The following UACA variants were observed in gnomAD, a reference collection of about 807,000 sequenced individuals.
The protein encoded by UACA is uveal autoantigen with coiled-coil domains and ankyrin repeats, also known as nuclear membrane binding protein.
A neutral mutation model predicts 160.5 loss-of-function variants in UACA; 112 were observed. The observed-to-expected ratio is 0.70, with a 90% CI of 0.60 to 0.82. UACA has a LOEUF of 0.82. Among genes scored for constraint, UACA ranks in the 40% least tolerant of loss-of-function variants. The probability of loss-of-function intolerance (pLI) is 0.00; values close to 1 mark genes in which losing one functional copy is unlikely to be tolerated. For missense variants in UACA, 1,574 were observed against 1,614.6 expected (o/e 0.97, Z 0.43); for synonymous variants, 557 against 568.4 (o/e 0.98, Z 0.29).
upstream of UACA, among the ~76,000 whole-genome samples, chr15:70,767,248 A>C (rs1268475727): frequency 5.0e-5 from 7 of 138,640 alleles, no homozygotes; most frequent in East Asian, 2.0e-4. Context: ...TCAAAAAAAA[A>C]AAAAAAAACA....
intron 2 of UACA, among the ~76,000 whole-genome samples, 182 bp from the exon 3 acceptor site, chr15:70,695,287 A>C (rs988475772): frequency 2.6e-5 from 4 of 152,124 alleles, no homozygotes; most frequent in African/African-American, 9.7e-5. Flanking sequence ...TCTCATTTAC[A>C]TAAGGGGCCA....
At chr15:70,717,636 C>T (rs1898859321) in intron 1 of UACA, among the ~76,000 whole-genome samples, 1 of 152,152 alleles carries the variant, frequency 6.6e-6, no homozygotes, top group Non-Finnish European at 1.5e-5. Context: ...CTGCATGCTG[C>T]CTTCTCATAA....
chr15:70,700,299 T>TTGTATATATATATATATATATATGTA (rs200862051), intron 1 of UACA, among the ~76,000 whole-genome samples: 2 of 114,414 alleles, frequency 1.7e-5, no homozygotes, highest in South Asian at 2.5e-4. Context: ...TGGAGGCAAA[T>TTGTATATATATATATATATATATGTA]TGTATATATA....
chr15:70,716,043 T>C (rs956764673), intron 1 of UACA, among the ~76,000 whole-genome samples: 3 of 152,200 alleles, frequency 2.0e-5, no homozygotes, highest in Non-Finnish European at 4.4e-5. Flanking sequence ...AATGTGATTG[T>C]GCCACTCCTG....
intron 1 of UACA, among the ~76,000 whole-genome samples, chr15:70,738,349 T>G (rs1042763017): frequency 1.3e-5 from 2 of 151,980 alleles, no homozygotes; most frequent in Non-Finnish European, 2.9e-5. Context: ...TGTCAGATCA[T>G]GTTACTCCTT....
At position 70,667,543 on chromosome 15, in the gene UACA, C is replaced by T. The variant is rs1396315633; in HGVS notation, c.3141G>A (p.Lys1047=). Residue 1047 remains lysine, a synonymous_variant, in exon 16 of 19, where the codon AAG becomes AAA. Coordinates refer to ENST00000322954, the MANE Select transcript of UACA (RefSeq NM_018003.4). Reference sequence around the variant, plus strand: ...CATGAGACTTCTCAATGAGAACTGTCTTATCTCTCAAATCTTTCTGAAGGG... The same window carrying T: ...CATGAGACTTCTCAATGAGAACTGTTTTATCTCTCAAATCTTTCTGAAGGG... The part of the protein sequence containing the change: ...IFTLQKDLRD[K]TVLIEKSHEM... The T allele has an allele frequency of 2.5e-6, 4 of 1,613,026 alleles. No individual in the cohort carries two copies. Among genetic ancestry groups the T allele is most frequent in the South Asian group, 1.1e-5 (1 of 91,038 alleles).
the UACA span, among the ~76,000 whole-genome samples, chr15:70,776,509 C>G: frequency 6.6e-6 from 1 of 150,520 alleles, no homozygotes; most frequent in Non-Finnish European, 1.5e-5. Flanking sequence ...CTCACTGCAA[C>G]CTCCGCCTCC....
At chr15:70,670,694 A>G (rs963430170) in intron 15 of UACA, among the ~76,000 whole-genome samples, 1 of 152,036 alleles carries the variant, frequency 6.6e-6, no homozygotes. Flanking sequence ...AAAACCAAAA[A>G]ATTATATTTT....
intron 1 of UACA, among the ~76,000 whole-genome samples, chr15:70,750,848 C>T (rs1184213187): frequency 1.3e-5 from 2 of 152,130 alleles, no homozygotes; most frequent in East Asian, 1.9e-4. Context: ...AAAGGTCACC[C>T]TGCAGATTGG....
chr15:70,673,775 A>G (rs1897217393), intron 13 of UACA, among the ~76,000 whole-genome samples: 1 of 152,218 alleles, frequency 6.6e-6, no homozygotes, highest in Non-Finnish European at 1.5e-5. Context: ...AATTCCTTTG[A>G]CAGTTAAGCT....
chr15:70,751,997 GA>G, intron 1 of UACA, among the ~76,000 whole-genome samples: 1 of 152,262 alleles, frequency 6.6e-6, no homozygotes, highest in Middle Eastern at 3.4e-3. Flanking sequence ...AGCACTTTGG[GA>G]GGCCGAGGCG....
chr15:70,692,658 G>A (rs147071843), intron 3 of UACA, among the ~76,000 whole-genome samples: 3 of 151,938 alleles, frequency 2.0e-5, no homozygotes, highest in Non-Finnish European at 4.4e-5. Context: ...TAGTCCCAGC[G>A]ACTCAGAAGG....
the UACA span, among the ~76,000 whole-genome samples, chr15:70,774,990 C>G: frequency 6.6e-6 from 1 of 151,974 alleles, no homozygotes; most frequent in African/African-American, 2.4e-5. Flanking sequence ...GCCTGGGAGG[C>G]TGAGGCTGCA....
At chr15:70,688,116 A>G (rs1443027065) in intron 5 of UACA, among the ~76,000 whole-genome samples, 2 of 152,170 alleles carry the variant, frequency 1.3e-5, no homozygotes, top group Non-Finnish European at 2.9e-5. Context: ...TAAATTTTGT[A>G]CTTACAGTAT....
upstream of UACA, among the ~76,000 whole-genome samples, chr15:70,763,761 G>A (rs1018871657): frequency 6.6e-6 from 1 of 152,260 alleles, no homozygotes; most frequent in Non-Finnish European, 1.5e-5. Context: ...CAGAGGCGTG[G>A]AGATGCGCGC....
intron 1 of UACA, chr15:70,703,102 T>G: frequency 7.8e-7 from 1 of 1,289,010 alleles, no homozygotes; most frequent in Non-Finnish European, 1.0e-6. Context: ...CTCTGCATTC[T>G]CTACGATAGC....
chr15:70,706,560 C>T (rs996229008), intron 1 of UACA, among the ~76,000 whole-genome samples: 3 of 139,194 alleles, frequency 2.2e-5, no homozygotes, highest in African/African-American at 8.0e-5. Flanking sequence ...CAGATACAAA[C>T]ATACTCATAC....
intron 17 of UACA, 67 bp downstream of exon 17, chr15:70,664,595 G>T: frequency 1.3e-6 from 2 of 1,510,504 alleles, no homozygotes; most frequent in South Asian, 1.3e-5. Flanking sequence ...TTCTAAATGA[G>T]CCTTACAAAC....
chr15:70,696,980 C>T (rs1460849304), intron 2 of UACA, among the ~76,000 whole-genome samples: 2 of 152,066 alleles, frequency 1.3e-5, no homozygotes, highest in African/African-American at 4.8e-5. Flanking sequence ...AAAGAAGATA[C>T]ATCAATCATT....
Sources: allele counts gnomAD v4.1 joint callset (sites outside exome capture counted in the v4.1 genomes callset), GRCh38; gene constraint gnomAD v4.1.1; transcripts MANE v1.5; gene names NCBI Gene and HGNC (gene_info 2026-07-23, HGNC 2026-07-21).